Variants in TPBG observed in about 807,000 individuals in gnomAD.
TPBG encodes 5T4 oncofetal antigen.
TPBG carries 13 observed loss-of-function variants against 19.3 expected under a neutral mutation model. That is an observed-to-expected ratio of 0.67 (90% confidence interval 0.44 to 1.07). TPBG has a LOEUF of 1.07. Among genes scored for constraint, TPBG ranks in the 50% least tolerant of loss-of-function variants. The pLI is 0.00. For missense variants in TPBG, 642 were observed against 559.6 expected (o/e 1.15, Z -1.49); for synonymous variants, 338 against 259.8 (o/e 1.30, Z -2.89).
rs746411153 is a variant in TPBG at position 82,365,803 on chromosome 6, T to G, written c.842T>G (p.Leu281Trp). ...KVLHNGTLAELQGLPHIRVFL... is the reference protein window; with the variant it reads ...KVLHNGTLAEWQGLPHIRVFL... ...CTTCACAATGGCACCCTGGCTGAGT[T>G]GCAAGGTCTACCCCACATTAGGGTT... Residue 281 changes from leucine (L) to tryptophan (W), a missense_variant, in exon 2 of 2, where the codon TTG becomes TGG. Physicochemically the swap from Leu to Trp is moderately conservative, Grantham distance 61. Coordinates refer to ENST00000369750, the MANE Select transcript of TPBG (RefSeq NM_001376922.1). 4 of 1,614,188 alleles carry G rather than the reference T, an allele frequency of 2.5e-6. No homozygotes were observed. In the Admixed American group the frequency reaches 5.0e-5, roughly 20 times the overall value.
Position 82,366,132 on chromosome 6 carries a change from G to A in TPBG, c.1171G>A (p.Ala391Thr). Residue 391 changes from alanine (A) to threonine (T), a missense_variant, in exon 2 of 2, where the codon GCC becomes ACC. Transcript: ENST00000369750. ...IKKWMHNIRDACRDHMEGYHY... is the reference protein window; with the variant it reads ...IKKWMHNIRDTCRDHMEGYHY... ...AAAGTGGATGCATAACATCAGAGAT[G>A]CCTGCAGGGATCACATGGAAGGGTA... 6 of 1,614,190 alleles carry A rather than the reference G, an allele frequency of 3.7e-6. No individual in the cohort carries two copies. Among genetic ancestry groups the A allele is most frequent in the South Asian group, 1.1e-5 (1 of 91,080 alleles).
In TPBG at chr6:82,364,735, C is replaced by A. The variant is rs1332668176; in HGVS notation, c.-227C>A. 2.2e-6 allele frequency: 1 copy of A among 456,038 alleles called. No homozygotes were observed. Among genetic ancestry groups the A allele is most frequent in the East Asian group, 3.6e-5 (1 of 27,576 alleles). 28.2% of individuals were successfully genotyped at this position (456,038 alleles called of 1,614,324 possible). ...CGCGGAGCGGAGCGTCCCGACCCGC[C>A]GTGCGTACTTTCTGGAGGGAAGGGG... On this transcript the variant is annotated 5_prime_UTR_variant, in exon 2 of 2. Transcript: ENST00000369750.
Position 82,365,001 on chromosome 6 carries a change from G to C in TPBG, c.40G>C (p.Gly14Arg). The C allele has an allele frequency of 6.5e-7, 1 of 1,529,480 alleles. No individual in the cohort carries two copies. Among genetic ancestry groups the C allele is most frequent in the Non-Finnish European group, 8.8e-7 (1 of 1,139,100 alleles). 94.7% of individuals were successfully genotyped at this position (1,529,480 alleles called of 1,614,324 possible). A position where few individuals can be genotyped will look rare whatever the true frequency, so the allele number is the denominator to read the frequency against. The stretch of plus-strand genomic sequence containing the variant: ...CTCCCGGGGCCCCGCCGCCGGGGAC[G>C]GGCGTCTGCGGCTGGCGCGACTAGC... ...GCSRGPAAGD[G>R]RLRLARLALV... is the part of the protein sequence containing the mutation. The change falls in exon 2 of 2, where the codon GGG (glycine) becomes CGG (arginine). Residue 14 changes from glycine (G) to arginine (R), a missense_variant. Gly to Arg is a moderately radical substitution (Grantham distance 125). Coordinates refer to ENST00000369750, the MANE Select transcript of TPBG (RefSeq NM_001376922.1).
chr6:82,364,903 C>A lies in TPBG; in HGVS notation c.-59C>A. 1 of 1,340,026 alleles carries A rather than the reference C, an allele frequency of 7.5e-7. No homozygotes were observed. Among genetic ancestry groups the A allele is most frequent in the Non-Finnish European group, 9.7e-7 (1 of 1,033,960 alleles). The allele number at this position is 1,340,026 out of a possible 1,614,324, so 83.0% of individuals were successfully genotyped here. On this transcript the variant is annotated 5_prime_UTR_variant, in exon 2 of 2. Transcript: ENST00000369750. ...CCGGCTCGCGCCCTCCGGGCCCAGC[C>A]TCCCGAGCCTTCGGAGCGGGCGCCG...
rs1347876931 is a variant in TPBG at position 82,364,999 on chromosome 6, A to G, written c.38A>G (p.Asp13Gly). 4.6e-6 allele frequency: 7 copies of G among 1,529,122 alleles called. No homozygotes were observed. The East Asian group carries it at 1.9e-4, about 40-fold the overall frequency. 94.7% of individuals were successfully genotyped at this position (1,529,122 alleles called of 1,614,324 possible). A position where few individuals can be genotyped will look rare whatever the true frequency, so the allele number is the denominator to read the frequency against. Residue 13 changes from aspartate (D) to glycine (G), a missense_variant, in exon 2 of 2, where the codon GAC becomes GGC. Coordinates refer to ENST00000369750, the MANE Select transcript of TPBG (RefSeq NM_001376922.1). ...TGCTCCCGGGGCCCCGCCGCCGGGGACGGGCGTCTGCGGCTGGCGCGACTA... is the reference window on the plus strand; with the variant it reads ...TGCTCCCGGGGCCCCGCCGCCGGGGGCGGGCGTCTGCGGCTGGCGCGACTA... ...GGCSRGPAAGDGRLRLARLAL... is the reference protein window; with the variant it reads ...GGCSRGPAAGGGRLRLARLAL...
At chr6:82,364,423 CTT>C (rs1269343392) in intron 1 of TPBG, 198 bp from the exon 2 acceptor site, 1 of 152,832 alleles carries the variant, frequency 6.5e-6, no homozygotes, top group African/African-American at 2.4e-5. Context: ...AGAAGGAAGA[CTT>C]TGCGGTCTGG....
In TPBG at chr6:82,364,860, T is replaced by C. The variant is rs1462062202; in HGVS notation, c.-102T>C. 9.1e-7 allele frequency: 1 copy of C among 1,093,172 alleles called. No individual in the cohort carries two copies. Among genetic ancestry groups the C allele is most frequent in the Non-Finnish European group, 1.2e-6 (1 of 816,022 alleles). 67.7% of individuals were successfully genotyped at this position (1,093,172 alleles called of 1,614,324 possible). On this transcript the variant is annotated 5_prime_UTR_variant, in exon 2 of 2. Coordinates refer to ENST00000369750, the MANE Select transcript of TPBG (RefSeq NM_001376922.1). ...TCGGTTCCACGAGAGGAAAGTTTTT[T>C]TTTTCCAGACGCTTCCGCCGGCTCG...
rs1455146507 is a variant in TPBG, at chr6:82,364,972, G to A, written c.11G>A (p.Gly4Glu). The part of the protein sequence containing the change: MPG[G>E]CSRGPAAGDG... ...GAAACGCGAGCCGCGATGCCTGGGG[G>A]GTGCTCCCGGGGCCCCGCCGCCGGG... The change falls in exon 2 of 2, where the codon GGG becomes GAG. Residue 4 changes from glycine (G) to glutamate (E), a missense_variant. Gly to Glu is a moderately conservative substitution (Grantham distance 98). Transcript: ENST00000369750. 5 of 1,507,984 alleles carry A rather than the reference G, an allele frequency of 3.3e-6. No homozygotes were observed. Among genetic ancestry groups the A allele is most frequent in the Non-Finnish European group, 3.5e-6 (4 of 1,130,708 alleles). 93.4% of individuals were successfully genotyped at this position (1,507,984 alleles called of 1,614,324 possible).
chr6:82,367,221 C>G lies in TPBG; in HGVS notation c.*997C>G. 1 of 167,040 alleles carries G rather than the reference C, an allele frequency of 6.0e-6. No individual in the cohort carries two copies. The allele number at this position is 167,040 out of a possible 1,614,324, so 10.3% of individuals were successfully genotyped here. ...TAAGCGTTCTGCACAATAAACAGTT[C>G]CCAGTTTGGGGCTTTTTCAAGGCTA... On this transcript the variant is annotated 3_prime_UTR_variant, in exon 2 of 2. Transcript: ENST00000369750.
In TPBG at chr6:82,364,646, G is replaced by A. The variant is rs574187183; in HGVS notation, c.-316G>A. On this transcript the variant is annotated 5_prime_UTR_variant, in exon 2 of 2. Transcript: ENST00000369750. The stretch of plus-strand genomic sequence containing the variant: ...AGGTCCCTCAGAGGATCCAGCGAGG[G>A]GCGCCAACAAGAGGCGAAGAGGTGG... 4.6e-5 allele frequency: 16 copies of A among 346,070 alleles called. No homozygotes were observed. The highest frequency in any genetic ancestry group is 9.9e-5 in the Admixed American group (2 of 20,286). The allele number at this position is 346,070 out of a possible 1,614,324, so 21.4% of individuals were successfully genotyped here.
Position 82,366,359 on chromosome 6 carries a change from G to T in TPBG, c.*135G>T, listed in dbSNP as rs779637329. ...TGACTAAAAGCAGTGAAGGGGATTT[G>T]CTTCCTTGTTATGTAAAGTTTCTCG... is the stretch of plus-strand genomic sequence containing the variant. On this transcript the variant is annotated 3_prime_UTR_variant, in exon 2 of 2. Coordinates refer to ENST00000369750, the MANE Select transcript of TPBG (RefSeq NM_001376922.1). 7.5e-5 allele frequency: 78 copies of T among 1,037,808 alleles called. No homozygotes were observed. The highest frequency in any genetic ancestry group is 1.0e-4 in the Non-Finnish European group (75 of 736,630). The allele number at this position is 1,037,808 out of a possible 1,614,324, so 64.3% of individuals were successfully genotyped here.
chr6:82,365,022 C>A lies in TPBG; in HGVS notation c.61C>A (p.Leu21Ile). The change falls in exon 2 of 2, where the codon CTA (leucine) becomes ATA (isoleucine). Residue 21 changes from leucine to isoleucine, a missense_variant. Coordinates refer to ENST00000369750, the MANE Select transcript of TPBG (RefSeq NM_001376922.1). ...AGDGRLRLAR[L>I]ALVLLGWVSS... Reference sequence around the variant, plus strand: ...GGACGGGCGTCTGCGGCTGGCGCGACTAGCGCTGGTACTCCTGGGCTGGGT... The same window carrying A: ...GGACGGGCGTCTGCGGCTGGCGCGAATAGCGCTGGTACTCCTGGGCTGGGT... 6.5e-7 allele frequency: 1 copy of A among 1,538,714 alleles called. No individual in the cohort carries two copies. The highest frequency in any genetic ancestry group is 8.8e-7 in the Non-Finnish European group (1 of 1,142,740).
rs368266009 is a variant in TPBG, at chr6:82,366,238, A to G, written c.*14A>G. The G allele has an allele frequency of 2.1e-4, 336 of 1,564,196 alleles. No individual in the cohort carries two copies. Among genetic ancestry groups the G allele is most frequent in the Non-Finnish European group, 2.7e-4 (315 of 1,156,772 alleles). On this transcript the variant is annotated 3_prime_UTR_variant, in exon 2 of 2. Transcript: ENST00000369750. ...TCGGATGTCTGAGAAATATTAGAGG[A>G]CAGACCAAGGACAACTCTGCATGAG...
In TPBG at chr6:82,365,561, G is replaced by A. The variant is rs770081534; in HGVS notation, c.600G>A (p.Val200=). 1 of 1,578,948 alleles carries A rather than the reference G, an allele frequency of 6.3e-7. No homozygotes were observed. The change falls in exon 2 of 2, where the codon GTG becomes GTA. Residue 200 remains valine, a synonymous_variant. Coordinates refer to ENST00000369750, the MANE Select transcript of TPBG (RefSeq NM_001376922.1). The part of the protein sequence containing the change: ...RQNRSFEGMV[V]AALLAGRALQ... ...ACCGGAGCTTCGAGGGCATGGTGGT[G>A]GCGGCCCTGCTGGCGGGCCGTGCAC...
At position 82,365,958 on chromosome 6, in the gene TPBG, G is replaced by A; in HGVS notation, c.997G>A (p.Val333Ile). 6.2e-7 allele frequency: 1 copy of A among 1,614,136 alleles called. No homozygotes were observed. The highest frequency in any genetic ancestry group is 2.2e-5 in the East Asian group (1 of 44,874). Reference protein sequence around the residue: ...CAYPEKMRNRVLLELNSADLD... With the variant: ...CAYPEKMRNRILLELNSADLD... ...ATATCCGGAAAAAATGAGGAATCGG[G>A]TCCTCTTGGAACTCAACAGTGCTGA... Residue 333 changes from valine to isoleucine, a missense_variant, in exon 2 of 2, where the codon GTC becomes ATC. By Grantham distance (29) the Val-to-Ile change is conservative (BLOSUM62 3). Transcript: ENST00000369750.
At chr6:82,363,008 A>G (rs912079468), upstream of TPBG, among the ~76,000 whole-genome samples, 4 of 139,418 alleles carry the variant, frequency 2.9e-5, no homozygotes, top group Non-Finnish European at 6.2e-5. Flanking sequence ...AGCTTTCTCC[A>G]CAGAAGTGAC....
At position 82,365,306 on chromosome 6, in the gene TPBG, G is replaced by A. The variant is rs774200792; in HGVS notation, c.345G>A (p.Pro115=). ...VLPAGAFARR[P]PLAELAALNL... ...CTGCCGGCGCCTTCGCCCGCCGGCCGCCGCTGGCGGAGCTGGCCGCGCTCA... is the reference window on the plus strand; with the variant it reads ...CTGCCGGCGCCTTCGCCCGCCGGCCACCGCTGGCGGAGCTGGCCGCGCTCA... The change falls in exon 2 of 2, where the codon CCG becomes CCA. Residue 115 remains proline (P), a synonymous_variant. Coordinates refer to ENST00000369750, the MANE Select transcript of TPBG (RefSeq NM_001376922.1). 1.3e-6 allele frequency: 2 copies of A among 1,567,106 alleles called. No individual in the cohort carries two copies. Among genetic ancestry groups the A allele is most frequent in the East Asian group, 2.4e-5 (1 of 41,378 alleles).
rs1767486022 is a variant in TPBG, at chr6:82,365,896, CAG to C, written c.938_939del (p.Glu313GlyfsTer28). The C allele has an allele frequency of 6.2e-7, 1 of 1,614,156 alleles. No homozygotes were observed. The highest frequency in any genetic ancestry group is 8.5e-7 in the Non-Finnish European group (1 of 1,180,024). On this transcript the variant is annotated frameshift_variant, in exon 2 of 2. Coordinates refer to ENST00000369750, the MANE Select transcript of TPBG (RefSeq NM_001376922.1). LOFTEE classifies it high-confidence loss of function. The stretch of plus-strand genomic sequence containing the variant: ...GACATGGTGACCTGGCTCAAGGAAA[CAG>C]AGGTAGTGCAGGGCAAAGACCGGCT...
At position 82,365,208 on chromosome 6, in the gene TPBG, A is replaced by C. The variant is rs776616045; in HGVS notation, c.247A>C (p.Thr83Pro). ...AGTCAAGTGCGTTAACCGCAATCTG[A>C]CCGAGGTGCCCACGGACCTGCCCGC... ...RTVKCVNRNL[T>P]EVPTDLPAYV... Residue 83 changes from threonine (T) to proline (P), a missense_variant, in exon 2 of 2, where the codon ACC becomes CCC. Transcript: ENST00000369750. The C allele has an allele frequency of 1.2e-5, 19 of 1,595,474 alleles. No homozygotes were observed. Among genetic ancestry groups the C allele is most frequent in the Non-Finnish European group, 1.6e-5 (19 of 1,173,782 alleles).
Sources: allele counts gnomAD v4.1 joint callset (sites outside exome capture counted in the v4.1 genomes callset), GRCh38; gene constraint gnomAD v4.1.1; transcripts MANE v1.5; gene names NCBI Gene and HGNC (gene_info 2026-07-23, HGNC 2026-07-21).